Variants in EML6 observed in about 807,000 individuals in gnomAD.
EML6 encodes echinoderm microtubule-associated protein-like 6.
Under a neutral mutation model 240.1 loss-of-function variants are expected in EML6, and 154 were observed. That is an observed-to-expected ratio of 0.64 (90% confidence interval 0.56 to 0.73). The LOEUF (loss-of-function observed/expected upper bound fraction) is 0.73. Ranked by LOEUF, EML6 falls within the 30% of genes least tolerant of loss-of-function variation. EML6 has a pLI of 0.00. For missense variants in EML6, 2,964 were observed against 2,474.6 expected (o/e 1.20, Z -4.20); for synonymous variants, 1,148 against 899.0 (o/e 1.28, Z -4.95).
chr2:54,916,699 T>G, intron 25 of EML6, 60 bp from the exon 26 acceptor site: 4 of 1,355,984 alleles, frequency 2.9e-6, no homozygotes, highest in East Asian at 2.5e-5. Flanking sequence ...GCAAACTGTT[T>G]CTTTTAAATA....
chr2:54,851,352 G>A (rs908312110), intron 10 of EML6, among the ~76,000 whole-genome samples: 6 of 152,206 alleles, frequency 3.9e-5, no homozygotes, highest in African/African-American at 1.4e-4. Flanking sequence ...GGTGGAGGTT[G>A]CAGCGAGCTG....
chr2:54,744,521 G>T (rs897932069), intron 2 of EML6, among the ~76,000 whole-genome samples: 1 of 152,106 alleles, frequency 6.6e-6, no homozygotes, highest in Non-Finnish European at 1.5e-5. Flanking sequence ...CATGGACAGG[G>T]GAGTGGGGTG....
At chr2:54,814,025 C>G (rs1667974044) in intron 3 of EML6, among the ~76,000 whole-genome samples, 1 of 152,214 alleles carries the variant, frequency 6.6e-6, no homozygotes, top group Non-Finnish European at 1.5e-5. Context: ...TCCTCACAGG[C>G]AATTTCTTGC....
chr2:54,887,382 T>A (rs532704743), intron 17 of EML6, among the ~76,000 whole-genome samples: 1 of 152,258 alleles, frequency 6.6e-6, no homozygotes, highest in African/African-American at 2.4e-5. Context: ...CTCTGAAATA[T>A]AATTCTCACA....
intron 7 of EML6, among the ~76,000 whole-genome samples, chr2:54,835,224 C>A (rs529151332): frequency 6.6e-6 from 1 of 152,340 alleles, no homozygotes; most frequent in South Asian, 2.1e-4. Flanking sequence ...TACCTTTCAC[C>A]TTGTAACATA....
At chr2:54,966,616 C>G (rs1676757777) in intron 38 of EML6, 1 of 157,978 alleles carries the variant, frequency 6.3e-6, no homozygotes, top group African/African-American at 2.4e-5. Flanking sequence ...ATCAGAAACA[C>G]CTGGCGGCTT....
intron 2 of EML6, among the ~76,000 whole-genome samples, chr2:54,784,826 C>G (rs1669005678): frequency 6.7e-6 from 1 of 149,286 alleles, no homozygotes; most frequent in African/African-American, 2.5e-5. Context: ...CTAGAGAAAA[C>G]AAATTGTTAA....
At chr2:54,813,948 T>G (rs1667971068) in intron 3 of EML6, among the ~76,000 whole-genome samples, 1 of 152,224 alleles carries the variant, frequency 6.6e-6, no homozygotes. Flanking sequence ...CTTTCCATTC[T>G]TCCTGCCACT....
chr2:54,824,689 A>G (rs763763014), intron 5 of EML6, among the ~76,000 whole-genome samples: 9 of 152,130 alleles, frequency 5.9e-5, no homozygotes, highest in Non-Finnish European at 1.2e-4. Context: ...CGGCTGCTTC[A>G]CTGGTTTTAT....
At position 54,892,458 on chromosome 2, in the gene EML6, G is replaced by C. The variant is rs1377674022; in HGVS notation, c.2544G>C (p.Gly848=). The change falls in exon 19 of 42, where the codon GGG becomes GGC. Residue 848 remains glycine (G), a synonymous_variant. Transcript: ENST00000356458. ...ACTGTTCTTGGTCCACTCTAGGTGG[G>C]GGCTTCACTTCTAAAAGAGGAACTT... is the stretch of plus-strand genomic sequence containing the variant. ...KHIKFWQQAG[G]GFTSKRGTFG... 1.3e-6 allele frequency: 2 copies of C among 1,550,368 alleles called. No individual in the cohort carries two copies. The highest frequency in any genetic ancestry group is 2.4e-5 in the South Asian group (2 of 84,034).
At chr2:54,797,970 CCTATT>C (rs1213256489) in intron 2 of EML6, among the ~76,000 whole-genome samples, 3 of 152,104 alleles carry the variant, frequency 2.0e-5, no homozygotes, top group Non-Finnish European at 2.9e-5. Context: ...TTTTAAAAAA[CCTATT>C]CTAGGACCCT....
chr2:54,778,579 C>T (rs78901160), intron 2 of EML6, among the ~76,000 whole-genome samples: 2,537 of 152,090 alleles, frequency 0.017, 32 homozygotes, highest in Non-Finnish European at 0.024. Context: ...AGAGAAAAAA[C>T]TAAAATATAA....
At chr2:54,810,663 G>A (rs1226964794) in intron 2 of EML6, among the ~76,000 whole-genome samples, 1 of 152,140 alleles carries the variant, frequency 6.6e-6, no homozygotes, top group Non-Finnish European at 1.5e-5. Flanking sequence ...CTTGCCTATT[G>A]CAGGGGGAGA....
intron 25 of EML6, among the ~76,000 whole-genome samples, chr2:54,914,326 G>T (rs1673796204): frequency 6.6e-6 from 1 of 152,146 alleles, no homozygotes; most frequent in African/African-American, 2.4e-5. Context: ...ACACCATGAA[G>T]CCTCTCAATT....
intron 2 of EML6, among the ~76,000 whole-genome samples, chr2:54,736,319 C>T (rs182077310): frequency 1.4e-4 from 21 of 152,194 alleles, no homozygotes; most frequent in Admixed American, 3.9e-4. Context: ...TCTTTTCCTT[C>T]AATGCCAGAC....
intron 17 of EML6, chr2:54,880,586 G>GGA (rs1469438708): frequency 2.0e-5 from 3 of 152,152 alleles, no homozygotes; most frequent in Non-Finnish European, 4.4e-5. Context: ...GGAGAAAAAG[G>GGA]GAAGCTTTTC....
chr2:54,877,797 G>A (rs553721942), intron 16 of EML6, among the ~76,000 whole-genome samples: 14 of 152,360 alleles, frequency 9.2e-5, no homozygotes, highest in African/African-American at 3.1e-4. Flanking sequence ...GAAAGGGTCA[G>A]GTAACTTTCA....
intron 10 of EML6, among the ~76,000 whole-genome samples, chr2:54,850,620 A>G (rs550007096): frequency 1.3e-5 from 2 of 152,358 alleles, no homozygotes; most frequent in African/African-American, 4.8e-5. Context: ...CACATGACCA[A>G]TAAAAGACTA....
intron 2 of EML6, among the ~76,000 whole-genome samples, chr2:54,749,978 T>A (rs1387069374): frequency 6.6e-6 from 1 of 152,232 alleles, no homozygotes; most frequent in Non-Finnish European, 1.5e-5. Context: ...CTTCTAAGAA[T>A]TTCTGCTTGA....
Sources: allele counts gnomAD v4.1 joint callset (sites outside exome capture counted in the v4.1 genomes callset), GRCh38; gene constraint gnomAD v4.1.1; transcripts MANE v1.5; gene names NCBI Gene and HGNC (gene_info 2026-07-23, HGNC 2026-07-21).